The following ARHGAP32 variants were observed in gnomAD, a reference collection of about 807,000 sequenced individuals.
The protein encoded by ARHGAP32 is Rho GTPase activating protein 32, also known as rho GTPase-activating protein 32.
In ARHGAP32, 51 loss-of-function variants were observed where a neutral mutation model predicts 186.5. The observed-to-expected ratio is 0.27, with a 90% CI of 0.22 to 0.35. The LOEUF is 0.35. Ranked by LOEUF, ARHGAP32 falls within the 10% of genes least tolerant of loss-of-function variation. The pLI is 1.00. For missense variants in ARHGAP32, 2,186 were observed against 2,623.5 expected (o/e 0.83, Z 3.64); for synonymous variants, 950 against 964.3 (o/e 0.99, Z 0.27).
chr11:128,980,058 A>G (rs1202035695), intron 18 of ARHGAP32, among the ~76,000 whole-genome samples: 1 of 152,182 alleles, frequency 6.6e-6, no homozygotes, highest in Non-Finnish European at 1.5e-5. Context: ...CTGGGGTGTG[A>G]CTGGACGACT....
intron 1 of ARHGAP32, among the ~76,000 whole-genome samples, chr11:129,210,457 AG>A: frequency 6.6e-6 from 1 of 152,194 alleles, no homozygotes; most frequent in Non-Finnish European, 1.5e-5. Flanking sequence ...AGCATGCCCA[AG>A]GTCACACAAT....
Position 129,035,261 on chromosome 11 carries a change from GATTA to G in ARHGAP32, c.1045+5663_1045+5666del, listed in dbSNP as rs201117189. ...CTTTCTATCTTGGTCAGGATATGGTGATTAATTTTCTGTACACACAAATAATTGA... is the reference window on the plus strand; with the variant it reads ...CTTTCTATCTTGGTCAGGATATGGTGATTTTCTGTACACACAAATAATTGA... On this transcript the variant is annotated intron_variant, in intron 11 of 22. Coordinates refer to ENST00000682385, the MANE Select transcript of ARHGAP32 (RefSeq NM_001378024.1). 6.0e-3 allele frequency among the ~76,000 whole-genome samples: 914 copies of G among 151,988 alleles called. 6 individuals are homozygous for G. The highest frequency in any genetic ancestry group is 7.8e-3 in the Non-Finnish European group (529 of 67,976).
chr11:129,056,931 C>A (rs529355915), intron 10 of ARHGAP32, among the ~76,000 whole-genome samples: 7 of 152,224 alleles, frequency 4.6e-5, no homozygotes, highest in African/African-American at 1.7e-4. Flanking sequence ...CATCTCAATC[C>A]CTAGGAAAAC....
intron 2 of ARHGAP32, among the ~76,000 whole-genome samples, chr11:129,135,069 T>A (rs1468294344): frequency 6.6e-6 from 1 of 152,188 alleles, no homozygotes; most frequent in Non-Finnish European, 1.5e-5. Context: ...ATAGATATAT[T>A]ATACATGCAC....
At chr11:128,994,358 T>C (rs1376219061) in intron 12 of ARHGAP32, among the ~76,000 whole-genome samples, 1 of 152,028 alleles carries the variant, frequency 6.6e-6, no homozygotes, top group Non-Finnish European at 1.5e-5. Context: ...TTTCACCATA[T>C]TGGGCAGGCT....
At chr11:129,243,397 A>G (rs1591715106) in intron 1 of ARHGAP32, among the ~76,000 whole-genome samples, 2 of 152,238 alleles carry the variant, frequency 1.3e-5, no homozygotes, top group African/African-American at 4.8e-5. Context: ...ATCATAAATA[A>G]GTAAATATGA....
intron 1 of ARHGAP32, among the ~76,000 whole-genome samples, chr11:129,273,252 T>C (rs1945492989): frequency 2.0e-5 from 3 of 152,198 alleles, no homozygotes; most frequent in African/African-American, 4.8e-5. Flanking sequence ...TACCTATCTA[T>C]CTTCCACTGC....
chr11:129,062,177 T>C, intron 10 of ARHGAP32, 103 bp downstream of exon 10: 5 of 900,230 alleles, frequency 5.6e-6, no homozygotes, highest in Non-Finnish European at 9.0e-6. Context: ...AGACAAAATT[T>C]CTGATGACAA....
At chr11:129,023,021 A>G (rs1438393699) in intron 11 of ARHGAP32, among the ~76,000 whole-genome samples, 1 of 152,182 alleles carries the variant, frequency 6.6e-6, no homozygotes, top group Admixed American at 6.5e-5. Flanking sequence ...ATGGTTTTAA[A>G]AATTAAAATA....
intron 1 of ARHGAP32, among the ~76,000 whole-genome samples, chr11:129,268,181 G>A (rs1447015319): frequency 2.0e-5 from 3 of 152,086 alleles, no homozygotes; most frequent in African/African-American, 7.2e-5. Flanking sequence ...TGTCCTATGA[G>A]GAATAGTTGA....
chr11:129,124,055 T>C (rs1449919183), intron 3 of ARHGAP32, 126 bp from the exon 4 acceptor site: 3 of 456,198 alleles, frequency 6.6e-6, no homozygotes, highest in African/African-American at 4.2e-5. Context: ...AGGTACACGA[T>C]GAATAGTCCT....
chr11:129,035,173 C>CCTCTCTCTCTCTCTCT (rs71057921), intron 11 of ARHGAP32, among the ~76,000 whole-genome samples: 1 of 148,538 alleles, frequency 6.7e-6, no homozygotes, highest in East Asian at 2.0e-4. Context: ...TGTTTCCTCT[C>CCTCTCTCTCTCTCTCT]CTCTCTCTCT....
intron 10 of ARHGAP32, among the ~76,000 whole-genome samples, chr11:129,061,074 T>C (rs1168140073): frequency 6.6e-6 from 1 of 152,106 alleles, no homozygotes; most frequent in Non-Finnish European, 1.5e-5. Context: ...AAAAAATATA[T>C]TTTATAAAAA....
chr11:129,158,040 C>G (rs1565448550), intron 2 of ARHGAP32, among the ~76,000 whole-genome samples: 1 of 152,130 alleles, frequency 6.6e-6, no homozygotes, highest in Non-Finnish European at 1.5e-5. Flanking sequence ...AATTTTGTCA[C>G]CACCAGGCCT....
rs144651927 is a variant in ARHGAP32 at position 129,022,506 on chromosome 11, T to A, written c.1045+18422A>T. Among the ~76,000 whole-genome samples, 887 of 152,272 alleles carry A rather than the reference T, an allele frequency of 5.8e-3. 14 individuals carry two copies. The highest frequency in any genetic ancestry group is 0.02 in the African/African-American group (841 of 41,570). ...GTTATAATTCAGTCCCTAATCACTTTCCAGTTGCAAGATCTTGAGCAAATT... is the reference window on the plus strand; with the variant it reads ...GTTATAATTCAGTCCCTAATCACTTACCAGTTGCAAGATCTTGAGCAAATT... On this transcript the variant is annotated intron_variant, in intron 11 of 22. Coordinates refer to ENST00000682385, the MANE Select transcript of ARHGAP32 (RefSeq NM_001378024.1).
intron 5 of ARHGAP32, among the ~76,000 whole-genome samples, chr11:129,107,101 A>G (rs560321637): frequency 4.6e-5 from 7 of 152,318 alleles, no homozygotes. Context: ...CCTCAAAAAC[A>G]TTATAAGCTA....
chr11:129,057,206 G>A (rs1940289931), intron 10 of ARHGAP32, among the ~76,000 whole-genome samples: 1 of 152,130 alleles, frequency 6.6e-6, no homozygotes, highest in Non-Finnish European at 1.5e-5. Context: ...GTGCTCCAGT[G>A]TAACCTCCTC....
Position 128,997,988 on chromosome 11 carries a change from T to C in ARHGAP32, c.1195+331A>G, listed in dbSNP as rs1490872005. Among the ~76,000 whole-genome samples the C allele has an allele frequency of 5.3e-5, 8 of 152,166 alleles. No homozygotes were observed. The East Asian group carries it at 1.5e-3, about 29-fold the overall frequency. Reference sequence around the variant, plus strand: ...CCATAAGAAGAATTAGATAAATATTTTAGGATAAAATGTGGGTGGCAAAAC... The same window carrying C: ...CCATAAGAAGAATTAGATAAATATTCTAGGATAAAATGTGGGTGGCAAAAC... On this transcript the variant is annotated intron_variant, in intron 12 of 22. Coordinates refer to ENST00000682385, the MANE Select transcript of ARHGAP32 (RefSeq NM_001378024.1).
intron 6 of ARHGAP32, among the ~76,000 whole-genome samples, chr11:129,084,673 A>G (rs531363195): frequency 1.3e-5 from 2 of 152,318 alleles, no homozygotes; most frequent in South Asian, 2.1e-4. Context: ...GAGAAAGAGC[A>G]TCTACAAAAA....
Sources: gnomAD v4.1 joint callset for allele counts (sites outside exome capture counted in the v4.1 genomes callset) on GRCh38, gnomAD v4.1.1 for gene constraint, MANE v1.5 for transcripts, NCBI Gene and HGNC (gene_info 2026-07-23, HGNC 2026-07-21) for gene names.